The following TPM1 variants were observed in gnomAD, a reference collection of about 807,000 sequenced individuals.
TPM1 encodes the protein tropomyosin alpha-1 chain.
TPM1 carries 24 observed loss-of-function variants against 42.9 expected under a neutral mutation model. That is an observed-to-expected ratio of 0.56 (90% CI 0.41 to 0.79). The LOEUF (loss-of-function observed/expected upper bound fraction) is 0.79. Among genes scored for constraint, TPM1 ranks in the 30% least tolerant of loss-of-function variants. TPM1 has a pLI of 0.00. For synonymous variants in TPM1, 136 were observed against 130.1 expected (o/e 1.05, Z -0.31); for missense variants, 158 against 351.8 (o/e 0.45, Z 4.41).
At chr15:63,061,675 T>G in intron 5 of TPM1, 38 bp from the exon 6 acceptor site, 1 of 1,597,484 alleles carries the variant, frequency 6.3e-7, no homozygotes, top group Non-Finnish European at 8.6e-7. Context: ...TCCTTTGGCT[T>G]GTCTCCCACC....
intron 2 of TPM1, chr15:63,046,608 G>A (rs765238735): frequency 1.3e-5 from 2 of 152,498 alleles, no homozygotes; most frequent in Admixed American, 1.3e-4. Flanking sequence ...ATTTTGTGTT[G>A]TCTTTCCACC....
chr15:63,062,515 T>A, intron 7 of TPM1, 61 bp from the exon 8 acceptor site: 1 of 1,579,076 alleles, frequency 6.3e-7, no homozygotes, highest in East Asian at 2.2e-5. Flanking sequence ...TAGTTTTCCC[T>A]ATGTTTGTAG....
At chr15:63,056,779 A>T (rs1361234265) in intron 2 of TPM1, 2 of 667,652 alleles carry the variant, frequency 3.0e-6, no homozygotes, top group Non-Finnish European at 2.7e-6. Context: ...ATTTGTGTAT[A>T]CACAAATATG....
At chr15:63,053,381 T>C (rs1299699565) in intron 2 of TPM1, among the ~76,000 whole-genome samples, 1 of 151,400 alleles carries the variant, frequency 6.6e-6, no homozygotes, top group East Asian at 2.0e-4. Context: ...GTTCCAAGGT[T>C]TCCGTGATGT....
In TPM1 at chr15:63,066,008, A is replaced by G. The variant is rs1595686296; in HGVS notation, c.*109A>G. The G allele has an allele frequency of 1.3e-6, 2 of 1,557,954 alleles. No homozygotes were observed. Among genetic ancestry groups the G allele is most frequent in the Non-Finnish European group, 1.7e-6 (2 of 1,151,590 alleles). ...GCTGACCCTGGTTCTCTCTCTTAGCATCCTGCCTTAGAGCCAGGCACACAC... is the reference window on the plus strand; with the variant it reads ...GCTGACCCTGGTTCTCTCTCTTAGCGTCCTGCCTTAGAGCCAGGCACACAC... On this transcript the variant is annotated 3_prime_UTR_variant, in exon 10 of 10. Coordinates refer to ENST00000403994, the MANE Select transcript of TPM1 (RefSeq NM_001018005.2).
intron 3 of TPM1, among the ~76,000 whole-genome samples, chr15:63,057,431 C>T (rs1475653792): frequency 1.3e-5 from 2 of 152,198 alleles, no homozygotes; most frequent in Admixed American, 6.5e-5. Context: ...CAAGTTGGCC[C>T]TTTCACTCCT....
intron 6 of TPM1, 99 bp from the exon 7 acceptor site, chr15:63,062,116 C>T: frequency 9.4e-7 from 1 of 1,058,492 alleles, no homozygotes; most frequent in Non-Finnish European, 1.5e-6. Flanking sequence ...CCTAAGAGAT[C>T]CTTAACATCT....
At chr15:63,062,781 G>C in intron 8 of TPM1, 136 bp downstream of exon 8, 1 of 1,554,392 alleles carries the variant, frequency 6.4e-7, no homozygotes, top group South Asian at 1.2e-5. Flanking sequence ...GTCCTCTGGG[G>C]TTTTTCTCTG....
At position 63,057,007 on chromosome 15, in the gene TPM1, T is replaced by A; in HGVS notation, c.263T>A (p.Leu88Gln). ...TAGGCTGAAGCCGACGTAGCTTCTC[T>A]GAACAGACGCATCCAGCTGGTTGAG... is the stretch of plus-strand genomic sequence containing the variant. ...ATDAEADVAS[L>Q]NRRIQLVEEE... The change falls in exon 3 of 10, where the codon CTG becomes CAG. Residue 88 changes from leucine to glutamine, a missense_variant. Transcript: ENST00000403994. 1 of 1,614,232 alleles carries A rather than the reference T, an allele frequency of 6.2e-7. No individual in the cohort carries two copies. Among genetic ancestry groups the A allele is most frequent in the Non-Finnish European group, 8.5e-7 (1 of 1,180,046 alleles).
chr15:63,054,982 C>T (rs2034545354), intron 2 of TPM1, among the ~76,000 whole-genome samples: 1 of 151,536 alleles, frequency 6.6e-6, no homozygotes, highest in African/African-American at 2.4e-5. Flanking sequence ...TCTTACCTGA[C>T]CCAAAAGTAT....
At chr15:63,059,886 A>G (rs1443488859) in intron 4 of TPM1, 6 of 430,962 alleles carry the variant, frequency 1.4e-5, no homozygotes, top group African/African-American at 2.0e-5. Context: ...CAGGAAGCCA[A>G]TCAGTAGCAC....
chr15:63,062,354 A>G (rs1218007365), intron 7 of TPM1, 77 bp downstream of exon 7: 2 of 1,473,858 alleles, frequency 1.4e-6, no homozygotes, highest in Non-Finnish European at 1.9e-6. Flanking sequence ...GGGCCTTTTC[A>G]TTTTAAAGTT....
intron 2 of TPM1, among the ~76,000 whole-genome samples, chr15:63,051,732 A>G (rs1182533262): frequency 1.3e-5 from 2 of 152,298 alleles, no homozygotes; most frequent in Non-Finnish European, 2.9e-5. Flanking sequence ...ATTCCAGAGG[A>G]TTGATTTCTA....
intron 9 of TPM1, 136 bp downstream of exon 9, chr15:63,064,278 G>A: frequency 6.5e-7 from 1 of 1,532,822 alleles, no homozygotes; most frequent in Non-Finnish European, 8.8e-7. Context: ...ACCTAGAATA[G>A]TCATTGTTTT....
chr15:63,051,545 T>C (rs1467775905), intron 2 of TPM1, among the ~76,000 whole-genome samples: 1 of 152,182 alleles, frequency 6.6e-6, no homozygotes, highest in Non-Finnish European at 1.5e-5. Flanking sequence ...TGTTTTTTTT[T>C]TTCCCCCCTT....
rs564299542 is a variant in TPM1, at chr15:63,051,729, A to C, written c.241-5256A>C. On this transcript the variant is annotated intron_variant, in intron 2 of 9. Transcript: ENST00000403994. The stretch of plus-strand genomic sequence containing the variant: ...TCAGGACTTTGGAAACATATTCCAG[A>C]GGATTGATTTCTAGATTATAATATT... Among the ~76,000 whole-genome samples the C allele has an allele frequency of 3.9e-4, 60 of 152,294 alleles. 3 individuals carry two copies. In the South Asian group the frequency reaches 0.012, roughly 32 times the overall value.
intron 2 of TPM1, among the ~76,000 whole-genome samples, chr15:63,052,780 A>T (rs547391178): frequency 2.0e-5 from 3 of 152,256 alleles, no homozygotes; most frequent in Non-Finnish European, 4.4e-5. Flanking sequence ...AAAAAAAAAA[A>T]TACCAGAAAT....
rs2031866819 is a variant in TPM1, at chr15:63,044,108, G to C, written c.196G>C (p.Asp66His). ...ELDKYSEALK[D>H]AQEKLELAEK... The stretch of plus-strand genomic sequence containing the variant: ...GGACAAATACTCTGAGGCTCTCAAA[G>C]ATGCCCAGGAGAAGCTGGAGCTGGC... Residue 66 changes from aspartate to histidine, a missense_variant, in exon 2 of 10, where the codon GAT becomes CAT. Physicochemically the swap from Asp to His is moderately conservative, Grantham distance 81. Coordinates refer to ENST00000403994, the MANE Select transcript of TPM1 (RefSeq NM_001018005.2). 6.2e-7 allele frequency: 1 copy of C among 1,614,214 alleles called. No homozygotes were observed. The highest frequency in any genetic ancestry group is 8.5e-7 in the Non-Finnish European group (1 of 1,180,038).
chr15:63,065,910 T>G lies in TPM1; in HGVS notation c.*11T>G, dbSNP rs752883071. 12 of 1,611,438 alleles carry G rather than the reference T, an allele frequency of 7.4e-6. No homozygotes were observed. The highest frequency in any genetic ancestry group is 1.7e-5 in the Admixed American group (1 of 59,838). On this transcript the variant is annotated 3_prime_UTR_variant, in exon 10 of 10. Transcript: ENST00000403994. Reference sequence around the variant, plus strand: ...TCTTCACGCAGATAAGTTTCTTTGCTTCACTTCTCCCAAGACTCCCTCGTC... The same window carrying G: ...TCTTCACGCAGATAAGTTTCTTTGCGTCACTTCTCCCAAGACTCCCTCGTC...
Sources: allele counts gnomAD v4.1 joint callset (sites outside exome capture counted in the v4.1 genomes callset), GRCh38; gene constraint gnomAD v4.1.1; transcripts MANE v1.5; gene names NCBI Gene and HGNC (gene_info 2026-07-23, HGNC 2026-07-21).